The following RNF38 variants were observed in gnomAD, a reference collection of about 807,000 sequenced individuals.
RNF38 encodes the protein ring finger protein 38, also known as E3 ubiquitin-protein ligase RNF38.
A neutral mutation model predicts 67.2 loss-of-function variants in RNF38; 15 were observed. The observed-to-expected ratio is 0.22, with a 90% CI of 0.15 to 0.34. RNF38 has a LOEUF of 0.34. RNF38 is among the 10% of genes least tolerant of loss of function. The pLI is 1.00. For synonymous variants in RNF38, 220 were observed against 218.8 expected (o/e 1.01, Z -0.05); for missense variants, 524 against 639.9 (o/e 0.82, Z 1.95).
At chr9:36,378,065 T>A (rs1255631701) in intron 2 of RNF38, among the ~76,000 whole-genome samples, 4 of 151,836 alleles carry the variant, frequency 2.6e-5, no homozygotes, top group African/African-American at 7.3e-5. Context: ...TGATTTTTTT[T>A]AAAAGGTAGA....
chr9:36,422,903 A>C (rs1838667411), intron 2 of RNF38, among the ~76,000 whole-genome samples: 1 of 152,228 alleles, frequency 6.6e-6, no homozygotes, highest in Admixed American at 6.5e-5. Flanking sequence ...AAAGGTAGAC[A>C]AAAAGCTTAT....
intron 2 of RNF38, among the ~76,000 whole-genome samples, chr9:36,376,691 A>T (rs1244077805): frequency 6.6e-6 from 1 of 152,016 alleles, no homozygotes; most frequent in African/African-American, 2.4e-5. Flanking sequence ...TTTGGGAGGC[A>T]GAGGCGGGTG....
chr9:36,354,632 T>A (rs551240659), intron 6 of RNF38, among the ~76,000 whole-genome samples: 1 of 152,230 alleles, frequency 6.6e-6, no homozygotes, highest in African/African-American at 2.4e-5. Context: ...GAGTATTACA[T>A]TGCATGGATA....
At chr9:36,423,160 T>C (rs1838672263) in intron 2 of RNF38, among the ~76,000 whole-genome samples, 1 of 152,244 alleles carries the variant, frequency 6.6e-6, no homozygotes, top group Admixed American at 6.5e-5. Flanking sequence ...AAATTTTCTG[T>C]AGCCAACTAT....
chr9:36,394,007 T>G (rs1837337711), intron 1 of RNF38, among the ~76,000 whole-genome samples: 1 of 152,178 alleles, frequency 6.6e-6, no homozygotes, highest in Admixed American at 6.5e-5. Flanking sequence ...CCGGGTACAG[T>G]GGCTCACGCC....
intron 2 of RNF38, among the ~76,000 whole-genome samples, chr9:36,379,059 C>A (rs1368013793): frequency 6.6e-6 from 1 of 152,044 alleles, no homozygotes; most frequent in African/African-American, 2.4e-5. Context: ...CACCACCATG[C>A]CTGGCTAATT....
At chr9:36,351,483 C>A (rs775458577) in intron 8 of RNF38, among the ~76,000 whole-genome samples, 11 of 152,148 alleles carry the variant, frequency 7.2e-5, no homozygotes, top group Admixed American at 1.3e-4. Flanking sequence ...CCATGCAATA[C>A]CTACCAAGAT....
At chr9:36,354,203 A>T (rs922213628) in intron 6 of RNF38, among the ~76,000 whole-genome samples, 5 of 152,072 alleles carry the variant, frequency 3.3e-5, no homozygotes, top group East Asian at 1.9e-4. Flanking sequence ...TTATTTATTT[A>T]TTTTTTGAGA....
rs1313616237 is a variant in RNF38, at chr9:36,387,388, G to GTT, written c.162+3078_162+3079insAA. 8.7e-3 allele frequency among the ~76,000 whole-genome samples: 1,326 copies of GTT among 152,192 alleles called. 20 individuals are homozygous for GTT. The highest frequency in any genetic ancestry group is 0.03 in the African/African-American group (1,253 of 41,514). ...TACCACAAACACCCCTAAAATTAAT[G>GTT]GTTGTGCCAGATATAAAATTATTTC... is the stretch of plus-strand genomic sequence containing the variant. On this transcript the variant is annotated intron_variant, in intron 2 of 11. Coordinates refer to ENST00000259605, the MANE Select transcript of RNF38 (RefSeq NM_022781.5).
intron 10 of RNF38, among the ~76,000 whole-genome samples, chr9:36,344,430 T>C (rs1833067998): frequency 6.6e-6 from 1 of 152,208 alleles, no homozygotes; most frequent in African/African-American, 2.4e-5. Flanking sequence ...CTCAAAACTT[T>C]ATGTGCATGA....
intron 1 of RNF38, among the ~76,000 whole-genome samples, chr9:36,453,511 T>C (rs1839510461): frequency 6.6e-6 from 1 of 151,888 alleles, no homozygotes; most frequent in Non-Finnish European, 1.5e-5. Flanking sequence ...GCCTCCCAAG[T>C]AGCTGGGATT....
chr9:36,353,698 A>T (rs16933221), intron 6 of RNF38, among the ~76,000 whole-genome samples: 2,518 of 152,280 alleles, frequency 0.017, 116 homozygotes, highest in Admixed American at 0.094. Context: ...ATTTTCAGAC[A>T]TTTAACCTTT....
At position 36,352,826 on chromosome 9, in the gene RNF38, C is replaced by T. The variant is rs765746778; in HGVS notation, c.1094G>A (p.Arg365Gln). 13 of 1,613,414 alleles carry T rather than the reference C, an allele frequency of 8.1e-6. No homozygotes were observed. The highest frequency in any genetic ancestry group is 1.1e-5 in the Non-Finnish European group (13 of 1,179,762). ...GTATCTACTACGTCCTGTAAGCCTC[C>T]GAGGCATAAATGGAGGATAAGGCTG... ...FGVPYPPFMP[R>Q]RLTGRSRYRS... The change falls in exon 8 of 12, where the codon CGG (arginine) becomes CAG (glutamine). Residue 365 changes from arginine to glutamine, a missense_variant. Transcript: ENST00000259605.
rs1193028456 is a variant in RNF38 at position 36,341,793 on chromosome 9, AATATATATATATATATATATATATAT to A, written c.1485+506_1485+531del. On this transcript the variant is annotated intron_variant, in intron 11 of 11. Coordinates refer to ENST00000259605, the MANE Select transcript of RNF38 (RefSeq NM_022781.5). ...GTGACACACTGAGACCCTGTTTCAA[AATATATATATATATATATATATATAT>A]ATATATATATATATATATATATATA... Among the ~76,000 whole-genome samples the A allele has an allele frequency of 6.1e-3, 127 of 20,862 alleles. 4 individuals are homozygous for A. Among genetic ancestry groups the A allele is most frequent in the African/African-American group, 0.01 (90 of 8,678 alleles). The allele number at this position is 20,862 out of a possible 152,430, so 13.7% of individuals were successfully genotyped here. A position where few individuals can be genotyped will look rare whatever the true frequency, so the allele number is the denominator to read the frequency against.
intron 10 of RNF38, among the ~76,000 whole-genome samples, chr9:36,344,043 T>G (rs751378687): frequency 6.6e-6 from 1 of 152,200 alleles, no homozygotes; most frequent in Non-Finnish European, 1.5e-5. Flanking sequence ...AGATGGAGTC[T>G]TGCTCTGTCA....
chr9:36,390,230 A>G (rs1836972820), intron 2 of RNF38, among the ~76,000 whole-genome samples: 1 of 152,208 alleles, frequency 6.6e-6, no homozygotes, highest in African/African-American at 2.4e-5. Context: ...CCAAAAGATC[A>G]AAACACAAGA....
At chr9:36,405,153 G>A (rs929485568), upstream of RNF38, among the ~76,000 whole-genome samples, 5 of 152,084 alleles carry the variant, frequency 3.3e-5, no homozygotes, top group Non-Finnish European at 7.4e-5. Context: ...TGTACTCCTA[G>A]CTACTTGGGA....
intron 3 of RNF38, among the ~76,000 whole-genome samples, chr9:36,370,635 G>A (rs1482275625): frequency 6.6e-6 from 1 of 152,188 alleles, no homozygotes; most frequent in East Asian, 1.9e-4. Flanking sequence ...GCCAGGTGCA[G>A]TGGCTCATGC....
intron 1 of RNF38, among the ~76,000 whole-genome samples, chr9:36,483,447 G>A (rs1291659371): frequency 6.6e-6 from 1 of 151,438 alleles, no homozygotes; most frequent in Admixed American, 6.6e-5. Context: ...TCCAGATAGA[G>A]GAACCTTAAC....
Sources: gnomAD v4.1 joint callset for allele counts (sites outside exome capture counted in the v4.1 genomes callset) on GRCh38, gnomAD v4.1.1 for gene constraint, MANE v1.5 for transcripts, NCBI Gene and HGNC (gene_info 2026-07-23, HGNC 2026-07-21) for gene names.